Variants in SLC7A8 observed in about 807,000 individuals in gnomAD.
SLC7A8 encodes solute carrier family 7 member 8, also known as large neutral amino acids transporter small subunit 2.
Under a neutral mutation model 51.2 loss-of-function variants are expected in SLC7A8, and 30 were observed. That is an observed-to-expected ratio of 0.59 (90% CI 0.44 to 0.80). The LOEUF is 0.80. Ranked by LOEUF, SLC7A8 falls within the 30% of genes least tolerant of loss-of-function variation. The probability of loss-of-function intolerance (pLI) is 0.00; values close to 1 mark genes in which losing one functional copy is unlikely to be tolerated. For synonymous variants in SLC7A8, 257 were observed against 275.8 expected, an observed-to-expected ratio of 0.93 and a Z score of 0.67; for missense variants, 612 against 674.4, an observed-to-expected ratio of 0.91 and a Z score of 1.03.
rs377464029 is a variant in SLC7A8 at position 23,132,073 on chromosome 14, C to T, written c.1017-516G>A. Reference sequence around the variant, plus strand: ...AGGCTGGAGTGCAGTGCTGCAATCTCGGCTCACTGCAACCTCCGCCTCCCA... The same window carrying T: ...AGGCTGGAGTGCAGTGCTGCAATCTTGGCTCACTGCAACCTCCGCCTCCCA... On this transcript the variant is annotated intron_variant, in intron 7 of 10. Coordinates refer to ENST00000316902, the MANE Select transcript of SLC7A8 (RefSeq NM_012244.4). Among the ~76,000 whole-genome samples the T allele has an allele frequency of 2.2e-4, 31 of 144,082 alleles. No homozygotes were observed. In the South Asian group the frequency reaches 5.0e-3, roughly 23 times the overall value. 94.5% of individuals were successfully genotyped at this position (144,082 alleles called of 152,430 possible). A position where few individuals can be genotyped will look rare whatever the true frequency, so the allele number is the denominator to read the frequency against.
intron 6 of SLC7A8, among the ~76,000 whole-genome samples, chr14:23,138,522 T>C (rs759075648): frequency 5.5e-4 from 36 of 65,272 alleles, no homozygotes; most frequent in Non-Finnish European, 9.4e-4. Flanking sequence ...TTATGATTTT[T>C]GAGCCTCTGT....
chr14:23,136,786 A>G (rs1010023784), intron 7 of SLC7A8, among the ~76,000 whole-genome samples: 2 of 152,224 alleles, frequency 1.3e-5, no homozygotes, highest in African/African-American at 4.8e-5. Context: ...CTCTCCTCCA[A>G]TAGATCTCAG....
chr14:23,150,522 C>T (rs1338326621), intron 3 of SLC7A8, among the ~76,000 whole-genome samples: 1 of 152,158 alleles, frequency 6.6e-6, no homozygotes, highest in Non-Finnish European at 1.5e-5. Flanking sequence ...GGTGCCCTTC[C>T]CAGCTTAGTC....
At chr14:23,143,310 G>A in intron 3 of SLC7A8, 106 bp from the exon 4 acceptor site, 2 of 1,486,500 alleles carry the variant, frequency 1.3e-6, no homozygotes, top group Non-Finnish European at 1.8e-6. Context: ...TGACATTGTA[G>A]TAGGTGAGCC....
intron 8 of SLC7A8, chr14:23,130,008 C>G (rs537487740): frequency 3.5e-6 from 2 of 564,916 alleles, no homozygotes; most frequent in South Asian, 4.6e-5. Flanking sequence ...GGGTGATGAT[C>G]AAAATATTTA....
At position 23,126,808 on chromosome 14, in the gene SLC7A8, C is replaced by T; in HGVS notation, c.*369G>A. 1 of 287,724 alleles carries T rather than the reference C, an allele frequency of 3.5e-6. No individual in the cohort carries two copies. Among genetic ancestry groups the T allele is most frequent in the Non-Finnish European group, 6.7e-6 (1 of 148,234 alleles). The allele number at this position is 287,724 out of a possible 1,614,324, so 17.8% of individuals were successfully genotyped here. On this transcript the variant is annotated 3_prime_UTR_variant, in exon 11 of 11. Transcript: ENST00000316902. The stretch of plus-strand genomic sequence containing the variant: ...CCACAATGCAGCTCCTGTGGCCTCT[C>T]CTCTCTGAAGGGGCCTCCCTGGGAG...
intron 1 of SLC7A8, among the ~76,000 whole-genome samples, chr14:23,179,300 C>A (rs1440897448): frequency 6.6e-6 from 1 of 152,144 alleles, no homozygotes; most frequent in African/African-American, 2.4e-5. Context: ...TCCTCCCAAT[C>A]AGGATATAAG....
chr14:23,183,050 A>G lies in SLC7A8; in HGVS notation c.-136T>C. 9.9e-7 allele frequency: 1 copy of G among 1,005,794 alleles called. No homozygotes were observed. Among genetic ancestry groups the G allele is most frequent in the African/African-American group, 1.6e-5 (1 of 60,636 alleles). 62.3% of individuals were successfully genotyped at this position (1,005,794 alleles called of 1,614,324 possible). ...ACCACTGCTACTCTCTAAAAAAGGCAAGCAGATAAAAGAGAACACGAAAAA... is the reference window on the plus strand; with the variant it reads ...ACCACTGCTACTCTCTAAAAAAGGCGAGCAGATAAAAGAGAACACGAAAAA... On this transcript the variant is annotated 5_prime_UTR_variant, in exon 1 of 11. Coordinates refer to ENST00000316902, the MANE Select transcript of SLC7A8 (RefSeq NM_012244.4).
intron 1 of SLC7A8, among the ~76,000 whole-genome samples, chr14:23,178,586 C>A (rs1877024173): frequency 6.6e-6 from 1 of 150,824 alleles, no homozygotes; most frequent in African/African-American, 2.4e-5. Context: ...ACTAAAGATT[C>A]AGAAACATAT....
intron 3 of SLC7A8, among the ~76,000 whole-genome samples, chr14:23,145,720 C>T (rs181692488): frequency 4.6e-5 from 7 of 152,156 alleles, no homozygotes; most frequent in East Asian, 1.9e-4. Flanking sequence ...CATTCCACAG[C>T]GCACATCAAC....
intron 7 of SLC7A8, among the ~76,000 whole-genome samples, chr14:23,132,392 G>A (rs905067126): frequency 2.6e-4 from 40 of 152,120 alleles, no homozygotes; most frequent in African/African-American, 9.2e-4. Flanking sequence ...CTTGTTTTGG[G>A]TAGTGGTTGA....
At chr14:23,140,101 C>T (rs181144610) in intron 5 of SLC7A8, among the ~76,000 whole-genome samples, 5 of 152,312 alleles carry the variant, frequency 3.3e-5, no homozygotes, top group Non-Finnish European at 7.4e-5. Flanking sequence ...TTGATCTTGA[C>T]CTGAATCTCC....
At position 23,128,957 on chromosome 14, in the gene SLC7A8, A is replaced by G. The variant is rs1387228236; in HGVS notation, c.1263+693T>C. Among the ~76,000 whole-genome samples, 2 of 152,234 alleles carry G rather than the reference A, an allele frequency of 1.3e-5. No individual in the cohort carries two copies. Among genetic ancestry groups the G allele is most frequent in the African/African-American group, 4.8e-5 (2 of 41,450 alleles). On this transcript the variant is annotated intron_variant, in intron 9 of 10. Coordinates refer to ENST00000316902, the MANE Select transcript of SLC7A8 (RefSeq NM_012244.4). This position sits in a 1 kb window ranked among gnomAD's most constrained non-coding sequence, Gnocchi z 4.3. Reference sequence around the variant, plus strand: ...GATTTTTCAGCTGGAAGGATCTTCTAGAAGCATCTAGTCACTGTTTCTAGA... The same window carrying G: ...GATTTTTCAGCTGGAAGGATCTTCTGGAAGCATCTAGTCACTGTTTCTAGA...
chr14:23,183,626 C>A lies in SLC7A8; in HGVS notation c.-712G>T, dbSNP rs911956699. 1 of 152,234 alleles carries A rather than the reference C, an allele frequency of 6.6e-6. No individual in the cohort carries two copies. The highest frequency in any genetic ancestry group is 1.5e-5 in the Non-Finnish European group (1 of 68,108). 9.4% of individuals were successfully genotyped at this position (152,234 alleles called of 1,614,324 possible). On this transcript the variant is annotated 5_prime_UTR_variant, in exon 1 of 11. Coordinates refer to ENST00000316902, the MANE Select transcript of SLC7A8 (RefSeq NM_012244.4). ...GTTCTACTGCACAGCCGGCCCCATC[C>A]CTCTGGTTTCGGGAGAGTGGCTTCT...
intron 7 of SLC7A8, among the ~76,000 whole-genome samples, chr14:23,133,740 C>T (rs1277759486): frequency 6.6e-6 from 1 of 151,986 alleles, no homozygotes; most frequent in Non-Finnish European, 1.5e-5. Context: ...GGCAGAATTG[C>T]CTGAACCCGG....
chr14:23,162,868 C>A (rs766133928), intron 3 of SLC7A8, among the ~76,000 whole-genome samples: 1 of 152,150 alleles, frequency 6.6e-6, no homozygotes, highest in Non-Finnish European at 1.5e-5. Context: ...AGGGTGCAAA[C>A]TGAACAGCCT....
chr14:23,145,393 G>A (rs1388397383), intron 3 of SLC7A8, among the ~76,000 whole-genome samples: 1 of 151,542 alleles, frequency 6.6e-6, no homozygotes, highest in Admixed American at 6.6e-5. Context: ...GGGCGTGGTG[G>A]TGGCGCGCCT....
intron 3 of SLC7A8, chr14:23,154,547 C>G: frequency 1.1e-6 from 1 of 923,196 alleles, no homozygotes; most frequent in Non-Finnish European, 1.3e-6. Context: ...AAAGCCGCTT[C>G]GGCTTGGCCT....
intron 8 of SLC7A8, among the ~76,000 whole-genome samples, chr14:23,131,106 G>C (rs1234875986): frequency 6.6e-6 from 1 of 152,228 alleles, no homozygotes; most frequent in Non-Finnish European, 1.5e-5. Context: ...CAGGAGCAGA[G>C]GCCAGTGCTG....
Sources: gnomAD v4.1 joint callset for allele counts (sites outside exome capture counted in the v4.1 genomes callset) on GRCh38, gnomAD v4.1.1 for gene constraint, Gnocchi (gnomAD v3.1) non-coding constraint, MANE v1.5 for transcripts, NCBI Gene and HGNC (gene_info 2026-07-23, HGNC 2026-07-21) for gene names.